Variants in UBN2 observed in about 807,000 individuals in gnomAD.
The protein encoded by UBN2 is ubinuclein-2.
Under a neutral mutation model 120.2 loss-of-function variants are expected in UBN2, and 35 were observed. The observed-to-expected ratio is 0.29, with a 90% confidence interval of 0.22 to 0.39. UBN2 has a LOEUF of 0.39. UBN2 is among the 10% of genes least tolerant of loss of function. The probability of loss-of-function intolerance (pLI) is 1.00; values close to 1 mark genes in which losing one functional copy is unlikely to be tolerated. For synonymous variants in UBN2, 661 were observed against 648.7 expected (o/e 1.02, Z -0.29); for missense variants, 1,693 against 1,663.2 (o/e 1.02, Z -0.31).
the UBN2 span, among the ~76,000 whole-genome samples, chr7:139,313,806 A>G: frequency 2.8e-3 from 427 of 151,980 alleles, 3 homozygotes; most frequent in African/African-American, 9.5e-3. Context: ...AATTAGATCA[A>G]GTGCTTTTCC....
chr7:139,273,863 C>A, intron 10 of UBN2, 68 bp from the exon 11 acceptor site: 2 of 1,324,844 alleles, frequency 1.5e-6, no homozygotes, highest in Non-Finnish European at 1.0e-6. Flanking sequence ...TTCACATAAT[C>A]TGTATTATTG....
In UBN2 at chr7:139,289,414, C is replaced by CTT. The variant is rs1161484759; in HGVS notation, c.3670-3803_3670-3802dup. Among the ~76,000 whole-genome samples, 1,054 of 125,768 alleles carry CTT rather than the reference C, an allele frequency of 8.4e-3. 65 individuals are homozygous for CTT. The highest frequency in any genetic ancestry group is 0.031 in the African/African-American group (1,004 of 32,168). 82.5% of individuals were successfully genotyped at this position (125,768 alleles called of 152,430 possible). On this transcript the variant is annotated intron_variant, in intron 15 of 17. Coordinates refer to ENST00000473989, the MANE Select transcript of UBN2 (RefSeq NM_173569.4). ...ATTGCCCTCCCTAATTTACATTTTG[C>CTT]TTTTTTTTTTTTTTTTGAGACAGGG...
At chr7:139,262,187 C>G (rs1419637161) in intron 6 of UBN2, among the ~76,000 whole-genome samples, 2 of 152,004 alleles carry the variant, frequency 1.3e-5, no homozygotes, top group African/African-American at 2.4e-5. Context: ...GCAACTTCTG[C>G]CTATTAGGTT....
chr7:139,303,603 C>T lies in UBN2; in HGVS notation c.*5767C>T, dbSNP rs1384531584. 1.3e-5 allele frequency: 2 copies of T among 152,134 alleles called. No individual in the cohort carries two copies. Among genetic ancestry groups the T allele is most frequent in the Admixed American group, 6.5e-5 (1 of 15,268 alleles). 9.4% of individuals were successfully genotyped at this position (152,134 alleles called of 1,614,324 possible). On this transcript the variant is annotated 3_prime_UTR_variant, in exon 18 of 18. Transcript: ENST00000473989. Reference sequence around the variant, plus strand: ...AATTGGGTATAATCATATTCACCTACCTCCCAGGGATATCAGAGACTTTAC... The same window carrying T: ...AATTGGGTATAATCATATTCACCTATCTCCCAGGGATATCAGAGACTTTAC...
At position 139,231,594 on chromosome 7, in the gene UBN2, G is replaced by A. The variant is rs1179828161; in HGVS notation, c.110G>A (p.Arg37Gln). Residue 37 changes from arginine to glutamine, a missense_variant, in exon 1 of 18, where the codon CGG becomes CAG. Physicochemically the swap from Arg to Gln is conservative, Grantham distance 43. Around this residue, in one of 5 missense-constraint regions of UBN2, gnomAD observed 663 missense variants for 591.2 expected, o/e 1.12. Transcript: ENST00000473989. ...CCCGAGTACCCCCGCGAGCCCCCCC[G>A]GCTGGAGCCGCAGCCGTACCGCGAG... is the stretch of plus-strand genomic sequence containing the variant. ...REPEYPREPP[R>Q]LEPQPYREPA... 2 of 1,389,316 alleles carry A rather than the reference G, an allele frequency of 1.4e-6. No homozygotes were observed. Among genetic ancestry groups the A allele is most frequent in the Non-Finnish European group, 1.9e-6 (2 of 1,063,036 alleles). The allele number at this position is 1,389,316 out of a possible 1,614,324, so 86.1% of individuals were successfully genotyped here.
chr7:139,312,927 C>A (rs866186309), downstream of UBN2, among the ~76,000 whole-genome samples: 6 of 152,098 alleles, frequency 3.9e-5, no homozygotes, highest in Admixed American at 3.9e-4. Context: ...ATTTGTGGTA[C>A]CATTTTTATC....
At chr7:139,235,129 T>A (rs139320653) in intron 1 of UBN2, among the ~76,000 whole-genome samples, 662 of 152,334 alleles carry the variant, frequency 4.3e-3, no homozygotes, top group Non-Finnish European at 6.7e-3. Flanking sequence ...TAGAATGGCA[T>A]ATAAGGTGAT....
chr7:139,292,492 A>C (rs1395999733), intron 15 of UBN2, among the ~76,000 whole-genome samples: 2 of 152,202 alleles, frequency 1.3e-5, no homozygotes, highest in Admixed American at 6.5e-5. Flanking sequence ...ATTTCAGAAA[A>C]GTAATAAGGT....
chr7:139,232,607 A>G (rs1796058464), intron 1 of UBN2, among the ~76,000 whole-genome samples: 1 of 151,850 alleles, frequency 6.6e-6, no homozygotes, highest in Non-Finnish European at 1.5e-5. Context: ...GTATTGGAAA[A>G]CCTTTTTAGC....
chr7:139,233,565 A>G (rs1796084898), intron 1 of UBN2, among the ~76,000 whole-genome samples: 1 of 152,318 alleles, frequency 6.6e-6, no homozygotes, highest in East Asian at 1.9e-4. Context: ...TATTATCCTC[A>G]CTTTACAAAT....
the UBN2 span, among the ~76,000 whole-genome samples, chr7:139,326,684 C>T: frequency 4.5e-3 from 680 of 152,332 alleles, 9 homozygotes; most frequent in African/African-American, 0.016. Flanking sequence ...GACATGGGCA[C>T]ATCACCCAGG....
intron 13 of UBN2, among the ~76,000 whole-genome samples, chr7:139,281,507 C>T (rs1241834046): frequency 6.6e-6 from 1 of 152,206 alleles, no homozygotes; most frequent in South Asian, 2.1e-4. Context: ...TCCATTCGTC[C>T]GTCCATCCAT....
At chr7:139,238,318 A>G (rs4428619) in intron 2 of UBN2, among the ~76,000 whole-genome samples, 4,690 of 152,312 alleles carry the variant, frequency 0.031, 103 homozygotes, top group South Asian at 0.086. Context: ...TGAAGGTAGA[A>G]GAAGTAGATG....
chr7:139,311,815 G>T (rs1798452609), downstream of UBN2, among the ~76,000 whole-genome samples: 1 of 152,148 alleles, frequency 6.6e-6, no homozygotes, highest in African/African-American at 2.4e-5. Flanking sequence ...GAAACCCCTG[G>T]CTGAAAAAGT....
chr7:139,264,697 T>C (rs13230967), intron 6 of UBN2, among the ~76,000 whole-genome samples: 3,040 of 152,282 alleles, frequency 0.02, 49 homozygotes, highest in Non-Finnish European at 0.029. Context: ...CAAGCAATTC[T>C]CCTGCCTCAG....
At chr7:139,286,283 C>CA (rs1192000217) in intron 15 of UBN2, among the ~76,000 whole-genome samples, 5 of 152,074 alleles carry the variant, frequency 3.3e-5, no homozygotes, top group African/African-American at 1.2e-4. Flanking sequence ...GGGCTGGTCT[C>CA]AAACTCCTAA....
intron 15 of UBN2, among the ~76,000 whole-genome samples, chr7:139,290,663 T>C (rs529940052): frequency 6.6e-6 from 1 of 152,324 alleles, no homozygotes; most frequent in African/African-American, 2.4e-5. Context: ...CTCTCAGATA[T>C]GCAGGATGGA....
Position 139,261,421 on chromosome 7 carries a change from CCATGTGCTGCTGCAG to C in UBN2, c.1078_1092del (p.Cys360_Ala364del). ...GTCAACCCCTTCTCTGAATAAACCC[CCATGTGCTGCTGCAG>C]CACTGGGGAATGACGTCCCGGACTT... On this transcript the variant is annotated inframe_deletion, in exon 6 of 18. Transcript: ENST00000473989. 1.2e-6 allele frequency: 2 copies of C among 1,614,222 alleles called. No homozygotes were observed. Among genetic ancestry groups the C allele is most frequent in the Non-Finnish European group, 1.7e-6 (2 of 1,180,040 alleles).
downstream of UBN2, among the ~76,000 whole-genome samples, chr7:139,310,327 T>C (rs1159548426): frequency 6.6e-6 from 1 of 151,552 alleles, no homozygotes; most frequent in Non-Finnish European, 1.5e-5. Context: ...AAAAAAGTTA[T>C]ATTTGGTAGG....
Sources: gnomAD v4.1 joint callset for allele counts (sites outside exome capture counted in the v4.1 genomes callset) on GRCh38, gnomAD v4.1.1 for gene constraint, gnomAD v4.1.1 regional missense constraint, MANE v1.5 for transcripts, NCBI Gene and HGNC (gene_info 2026-07-23, HGNC 2026-07-21) for gene names.